KAZN: variants seen among roughly 807,000 people sequenced by gnomAD.
KAZN encodes kazrin.
A neutral mutation model predicts 87.4 loss-of-function variants in KAZN; 40 were observed. That is an observed-to-expected ratio of 0.46 (90% CI 0.36 to 0.60). KAZN has a LOEUF of 0.60. KAZN is among the 20% of genes least tolerant of loss of function. The pLI is 0.00. For missense variants in KAZN, 898 were observed against 1,073.9 expected (o/e 0.84, Z 2.29); for synonymous variants, 466 against 458.3 (o/e 1.02, Z -0.22).
chr1:14,667,503 T>C (rs1639638289), intron 1 of KAZN, among the ~76,000 whole-genome samples: 1 of 152,236 alleles, frequency 6.6e-6, no homozygotes, highest in Non-Finnish European at 1.5e-5. Context: ...CATCTGATTA[T>C]GCATTTGAGG....
intron 1 of KAZN, among the ~76,000 whole-genome samples, chr1:13,904,342 T>C (rs1639360448): frequency 6.6e-6 from 1 of 152,174 alleles, no homozygotes; most frequent in South Asian, 2.1e-4. Context: ...TGTGGCCTGT[T>C]AAGCAGAAAG....
chr1:14,031,713 G>A (rs938938199), intron 1 of KAZN, among the ~76,000 whole-genome samples: 8 of 152,110 alleles, frequency 5.3e-5, no homozygotes, highest in South Asian at 2.1e-4. Context: ...ATTCTTTGAC[G>A]CTACTTTTAT....
At chr1:14,971,547 G>C (rs919373880) in intron 2 of KAZN, among the ~76,000 whole-genome samples, 2 of 152,126 alleles carry the variant, frequency 1.3e-5, no homozygotes, top group Non-Finnish European at 2.9e-5. Context: ...GGTTCTCAGG[G>C]GTGATCACAG....
chr1:13,911,158 T>G (rs1301852787), intron 1 of KAZN, among the ~76,000 whole-genome samples: 1 of 152,152 alleles, frequency 6.6e-6, no homozygotes, highest in African/African-American at 2.4e-5. Flanking sequence ...AAGCAATTCT[T>G]CTGCCTCAGC....
chr1:14,163,728 C>A (rs10928045), intron 1 of KAZN, among the ~76,000 whole-genome samples: 1 of 152,106 alleles, frequency 6.6e-6, no homozygotes, highest in Non-Finnish European at 1.5e-5. Flanking sequence ...GACATTCCTG[C>A]GTGGAGGCCC....
chr1:14,343,964 C>T (rs1228471421), intron 2 of KAZN, among the ~76,000 whole-genome samples: 4 of 152,182 alleles, frequency 2.6e-5, no homozygotes, highest in African/African-American at 9.7e-5. Context: ...AAACTAGTTT[C>T]TAAGTTTGTG....
At chr1:14,300,252 A>G (rs1367115076) in intron 2 of KAZN, among the ~76,000 whole-genome samples, 4 of 119,946 alleles carry the variant, frequency 3.3e-5, no homozygotes, top group African/African-American at 8.9e-5. Context: ...ATGGGCAGCT[A>G]TGGAAGAATT....
chr1:14,243,515 C>A (rs950780184), intron 2 of KAZN, among the ~76,000 whole-genome samples: 2 of 152,192 alleles, frequency 1.3e-5, no homozygotes, highest in African/African-American at 2.4e-5. Flanking sequence ...TAGCTCCTCT[C>A]TTCCTTCACA....
chr1:14,432,741 A>C (rs984379355), intron 2 of KAZN, among the ~76,000 whole-genome samples: 1 of 151,814 alleles, frequency 6.6e-6, no homozygotes. Context: ...CCAACCCCCA[A>C]GAGGTCCCGG....
At chr1:14,527,998 CCTATCTAT>C (rs200376042) in intron 2 of KAZN, among the ~76,000 whole-genome samples, 11,508 of 145,190 alleles carry the variant, frequency 0.079, 514 homozygotes, top group East Asian at 0.12. Context: ...GGTCTAGAAT[CCTATCTAT>C]CTATCTATCT....
chr1:14,311,758 A>G (rs1340878650), intron 2 of KAZN, among the ~76,000 whole-genome samples: 2 of 152,074 alleles, frequency 1.3e-5, no homozygotes, highest in Admixed American at 6.6e-5. Flanking sequence ...GAATGGATAA[A>G]TGGATGGGTG....
At position 15,067,480 on chromosome 1, in the gene KAZN, C is replaced by G. The variant is rs574475763; in HGVS notation, c.1222+1727C>G. 59 of 985,448 alleles carry G rather than the reference C, an allele frequency of 6.0e-5. No individual in the cohort carries two copies. The South Asian group carries it at 2.4e-3, about 40-fold the overall frequency. The allele number at this position is 985,448 out of a possible 1,614,324, so 61.0% of individuals were successfully genotyped here. A position where few individuals can be genotyped will look rare whatever the true frequency, so the allele number is the denominator to read the frequency against. ...AGCAAGGTCTGCCCAAGGCCTAAAA[C>G]TCAATTTCCTTATTCTTTTGCTTCT... On this transcript the variant is annotated intron_variant, in intron 8 of 14. Coordinates refer to ENST00000376030, the MANE Select transcript of KAZN (RefSeq NM_201628.3).
At chr1:14,202,668 G>A (rs1646663198) in intron 2 of KAZN, among the ~76,000 whole-genome samples, 1 of 152,128 alleles carries the variant, frequency 6.6e-6, no homozygotes, top group African/African-American at 2.4e-5. Flanking sequence ...CAGAAAGGAG[G>A]CAGCTAGTAT....
intron 2 of KAZN, among the ~76,000 whole-genome samples, chr1:14,572,909 T>C (rs1337291795): frequency 6.6e-6 from 1 of 152,194 alleles, no homozygotes; most frequent in Non-Finnish European, 1.5e-5. Flanking sequence ...TACCTAGCAC[T>C]CTTCTGGACA....
chr1:14,353,368 T>A (rs4661484), intron 2 of KAZN, among the ~76,000 whole-genome samples: 1 of 151,668 alleles, frequency 6.6e-6, no homozygotes, highest in African/African-American at 2.4e-5. Flanking sequence ...GGACTACAGG[T>A]GCCTGCCACC....
chr1:14,311,709 T>A (rs1204809243), intron 2 of KAZN, among the ~76,000 whole-genome samples: 8 of 151,934 alleles, frequency 5.3e-5, no homozygotes, highest in Admixed American at 4.6e-4. Context: ...AAATATTGGA[T>A]GGATGGGGGT....
At chr1:15,047,851 G>A (rs1673750033) in intron 4 of KAZN, among the ~76,000 whole-genome samples, 1 of 152,166 alleles carries the variant, frequency 6.6e-6, no homozygotes, top group Admixed American at 6.5e-5. Context: ...CCTGCAGCTG[G>A]GGGACGAACA....
intron 2 of KAZN, among the ~76,000 whole-genome samples, chr1:14,502,872 T>A (rs541835397): frequency 6.6e-6 from 1 of 152,304 alleles, no homozygotes; most frequent in South Asian, 2.1e-4. Context: ...ATGAACACCC[T>A]TCAGAGAGAG....
intron 1 of KAZN, among the ~76,000 whole-genome samples, chr1:14,844,852 T>A (rs1231983134): frequency 1.3e-5 from 2 of 152,140 alleles, no homozygotes; most frequent in Admixed American, 6.5e-5. Flanking sequence ...GATGGGTATG[T>A]GCTTGGATGG....
Sources: gnomAD v4.1 joint callset for allele counts (sites outside exome capture counted in the v4.1 genomes callset) on GRCh38, gnomAD v4.1.1 for gene constraint, MANE v1.5 for transcripts, NCBI Gene and HGNC (gene_info 2026-07-23, HGNC 2026-07-21) for gene names.